MYO16: variants seen among roughly 807,000 people sequenced by gnomAD.
The protein encoded by MYO16 is unconventional myosin-XVI.
Under a neutral mutation model 205.3 loss-of-function variants are expected in MYO16, and 94 were observed. That is an observed-to-expected ratio of 0.46 (90% CI 0.39 to 0.54). The LOEUF is 0.54. Among genes scored for constraint, MYO16 ranks in the 20% least tolerant of loss-of-function variants. MYO16 has a pLI of 0.00. For missense variants in MYO16, 2,315 were observed against 2,387.5 expected, an observed-to-expected ratio of 0.97 and a Z score of 0.63; for synonymous variants, 988 against 954.0, an observed-to-expected ratio of 1.04 and a Z score of -0.66.
chr13:108,621,078 C>G (rs1433146642), intron 1 of MYO16, among the ~76,000 whole-genome samples: 1 of 152,178 alleles, frequency 6.6e-6, no homozygotes, highest in Non-Finnish European at 1.5e-5. Flanking sequence ...ACCTGCTTTG[C>G]CTAATCTCTT....
At chr13:108,763,269 C>T (rs896637855) in intron 4 of MYO16, among the ~76,000 whole-genome samples, 2 of 152,136 alleles carry the variant, frequency 1.3e-5, no homozygotes, top group African/African-American at 4.8e-5. Context: ...TAATGCATTT[C>T]TACAAATATT....
intron 2 of MYO16, among the ~76,000 whole-genome samples, chr13:108,669,238 A>G (rs578208141): frequency 6.6e-6 from 1 of 152,170 alleles, no homozygotes; most frequent in East Asian, 1.9e-4. Flanking sequence ...CTTTCTTGGG[A>G]GCCAAGATGA....
At chr13:109,144,399 T>C (rs1566530724) in intron 32 of MYO16, among the ~76,000 whole-genome samples, 2 of 152,192 alleles carry the variant, frequency 1.3e-5, no homozygotes, top group African/African-American at 4.8e-5. Context: ...TTCAGGCCAT[T>C]CTTTTAGAAT....
Position 109,179,658 on chromosome 13 carries a change from G to A in MYO16, c.5415+25G>A, listed in dbSNP as rs1433435362. 5.2e-6 allele frequency: 8 copies of A among 1,550,298 alleles called. No individual in the cohort carries two copies. The East Asian group carries it at 9.0e-5, about 17-fold the overall frequency. On this transcript the variant is annotated intron_variant, in intron 34 of 34. Transcript: ENST00000457511. ...GGTAATGATGTCTGTCTGTTCACAT[G>A]TGCAGTGACAAATGGAATTAAGTTA...
At chr13:109,147,719 T>G (rs1319754785) in intron 32 of MYO16, among the ~76,000 whole-genome samples, 1 of 152,116 alleles carries the variant, frequency 6.6e-6, no homozygotes, top group Non-Finnish European at 1.5e-5. Context: ...TTAGAAAAAG[T>G]GTGGAAGATA....
At chr13:108,570,302 G>A in the MYO16 span, among the ~76,000 whole-genome samples, 1 of 151,902 alleles carries the variant, frequency 6.6e-6, no homozygotes, top group East Asian at 1.9e-4. Flanking sequence ...AGGCTGGAGT[G>A]CAGTGGTACA....
intron 10 of MYO16, 152 bp downstream of exon 10, chr13:108,844,645 C>A: frequency 2.6e-6 from 2 of 770,272 alleles, no homozygotes; most frequent in Non-Finnish European, 3.8e-6. Flanking sequence ...TTTTCATAAA[C>A]AATTAGTGCA....
At chr13:108,607,550 C>T (rs1385153206) in intron 1 of MYO16, among the ~76,000 whole-genome samples, 1 of 152,168 alleles carries the variant, frequency 6.6e-6, no homozygotes, top group Non-Finnish European at 1.5e-5. Flanking sequence ...TGTACATTTC[C>T]TGAGGCCTCC....
intron 1 of MYO16, among the ~76,000 whole-genome samples, chr13:108,600,131 G>A (rs1878710665): frequency 6.6e-6 from 1 of 152,050 alleles, no homozygotes; most frequent in Admixed American, 6.6e-5. Flanking sequence ...ACATTTTCTT[G>A]GACTCTGATT....
intron 21 of MYO16, among the ~76,000 whole-genome samples, chr13:109,000,659 A>T (rs1594458925): frequency 6.6e-6 from 1 of 152,324 alleles, no homozygotes; most frequent in East Asian, 1.9e-4. Context: ...TGATAGAGTG[A>T]CTGAAGCTCT....
chr13:108,783,098 T>C (rs990933113), intron 4 of MYO16, among the ~76,000 whole-genome samples: 5 of 152,048 alleles, frequency 3.3e-5, no homozygotes, highest in Admixed American at 6.5e-5. Flanking sequence ...CACTGACAGC[T>C]TGCACCATGA....
intron 1 of MYO16, among the ~76,000 whole-genome samples, chr13:108,600,381 T>C (rs879473177): frequency 1.2e-4 from 18 of 152,186 alleles, no homozygotes; most frequent in Non-Finnish European, 2.1e-4. Context: ...GCTGTGAGCA[T>C]TGAAATAACA....
rs559184922 is a variant in MYO16, at chr13:109,095,121, A to G, written c.3336-5664A>G. 3.2e-4 allele frequency among the ~76,000 whole-genome samples: 49 copies of G among 152,334 alleles called. 1 individual carries two copies. The South Asian group carries it at 1.0e-2, about 31-fold the overall frequency. ...AAAGTAGATAACAGTTGTTCCCCTC[A>G]TCCCAAACCAGGATAAGACAGGAAG... On this transcript the variant is annotated intron_variant, in intron 27 of 34. Transcript: ENST00000457511.
chr13:109,023,332 T>C (rs1364462021), intron 23 of MYO16, among the ~76,000 whole-genome samples: 2 of 72,620 alleles, frequency 2.8e-5, no homozygotes, highest in African/African-American at 1.1e-4. Flanking sequence ...TATACAGATA[T>C]AAATATATAT....
intron 3 of MYO16, among the ~76,000 whole-genome samples, chr13:108,714,575 T>C (rs1012945928): frequency 1.4e-5 from 2 of 146,320 alleles, no homozygotes; most frequent in African/African-American, 5.1e-5. Context: ...GACTGTCACT[T>C]CTTCACGTGT....
intron 34 of MYO16, among the ~76,000 whole-genome samples, chr13:109,190,677 T>C (rs1482407435): frequency 6.6e-6 from 1 of 152,198 alleles, no homozygotes; most frequent in Non-Finnish European, 1.5e-5. Flanking sequence ...GTTGTTTCAC[T>C]GGTTGGAGGA....
intron 27 of MYO16, among the ~76,000 whole-genome samples, chr13:109,071,796 A>G (rs1339143008): frequency 2.0e-5 from 3 of 152,198 alleles, no homozygotes; most frequent in Non-Finnish European, 4.4e-5. Context: ...AAGAGGAATC[A>G]TCACAGGAAC....
chr13:109,100,162 T>G (rs1888916420), intron 27 of MYO16, among the ~76,000 whole-genome samples: 1 of 152,224 alleles, frequency 6.6e-6, no homozygotes, highest in South Asian at 2.1e-4. Flanking sequence ...ATGATGTAAT[T>G]TTAAAAGTCA....
Position 109,019,917 on chromosome 13 carries a change from TG to T in MYO16, c.2796+8del. ...TCATGCACTACGCAGGAAGGGTAAG[TG>T]GCCAGAACTGCATAATTTTTCATGT... On this transcript the variant is annotated splice_region_variant and intron_variant, in intron 23 of 34. Transcript: ENST00000457511. The T allele has an allele frequency of 6.2e-7, 1 of 1,613,164 alleles. No individual in the cohort carries two copies. The highest frequency in any genetic ancestry group is 1.1e-5 in the South Asian group (1 of 90,842).
Sources: allele counts gnomAD v4.1 joint callset (sites outside exome capture counted in the v4.1 genomes callset), GRCh38; gene constraint gnomAD v4.1.1; transcripts MANE v1.5; gene names NCBI Gene and HGNC (gene_info 2026-07-23, HGNC 2026-07-21).